USP50: variants seen among roughly 807,000 people sequenced by gnomAD.
The protein encoded by USP50 is ubiquitin specific peptidase 50.
A neutral mutation model predicts 39.2 loss-of-function variants in USP50; 37 were observed. The ratio of observed to expected loss-of-function variants is 0.94; its 90% CI spans 0.73 to 1.24. The LOEUF (loss-of-function observed/expected upper bound fraction) is 1.24, where lower values mean the gene tolerates loss of function less well. Among genes scored for constraint, USP50 ranks in the 50% most tolerant of loss-of-function variants. The pLI is 0.00. For synonymous variants in USP50, 139 were observed against 144.5 expected (o/e 0.96, Z 0.27); for missense variants, 374 against 398.2 (o/e 0.94, Z 0.52).
chr15:50,522,331 G>T (rs2052857107), intron 6 of USP50, among the ~76,000 whole-genome samples: 1 of 152,180 alleles, frequency 6.6e-6, no homozygotes, highest in Non-Finnish European at 1.5e-5. Context: ...AAGCTGAGGT[G>T]GGAGGATCAG....
At chr15:50,537,076 T>C (rs918246417) in intron 5 of USP50, among the ~76,000 whole-genome samples, 2 of 151,960 alleles carry the variant, frequency 1.3e-5, no homozygotes, top group African/African-American at 4.8e-5. Flanking sequence ...CAATGTGGTA[T>C]TGGTGAAAAA....
intron 6 of USP50, among the ~76,000 whole-genome samples, chr15:50,523,313 G>A (rs2141364967): frequency 6.6e-6 from 1 of 151,146 alleles, no homozygotes; most frequent in South Asian, 2.1e-4. Flanking sequence ...GGAGTAGCAG[G>A]TGTGCACCAC....
At chr15:50,540,293 C>T (rs2053017927) in intron 4 of USP50, among the ~76,000 whole-genome samples, 1 of 152,114 alleles carries the variant, frequency 6.6e-6, no homozygotes, top group Non-Finnish European at 1.5e-5. Context: ...CACTAGATTC[C>T]ATTCTCTCTT....
intron 6 of USP50, chr15:50,509,679 A>G (rs1429799627): frequency 6.6e-6 from 1 of 151,684 alleles, no homozygotes; most frequent in Non-Finnish European, 1.5e-5. Flanking sequence ...TAAAATAAAA[A>G]AGAGACAAGT....
At chr15:50,505,086 G>C (rs191735511) in intron 6 of USP50, 2 of 152,254 alleles carry the variant, frequency 1.3e-5, no homozygotes, top group East Asian at 3.9e-4. Flanking sequence ...AATTGAATGA[G>C]AATATTCAGC....
At position 50,519,013 on chromosome 15, in the gene USP50, G is replaced by A. The variant is rs186862222; in HGVS notation, c.936+10784C>T. ...TTAAAAAGTGGGCAAAGGGCCAGGC[G>A]TGGTGGCTCACACCTGTAATCCCAG... On this transcript the variant is annotated intron_variant, in intron 6 of 6. Coordinates refer to ENST00000532404, the MANE Select transcript of USP50 (RefSeq NM_203494.5). 2.8e-3 allele frequency among the ~76,000 whole-genome samples: 433 copies of A among 152,260 alleles called. 3 individuals are homozygous for A. Among genetic ancestry groups the A allele is most frequent in the African/African-American group, 9.6e-3 (397 of 41,556 alleles).
In USP50 at chr15:50,538,846, A is replaced by G; in HGVS notation, c.666T>C (p.Cys222=). ...PSKYECSLRD[C]LQCFFQQDAL... ...CGTCTTGTTGAAAAAAACATTGGAG[A>G]CAGTCCTGTTAAGGAAAAAAAGGAT... The change falls in exon 5 of 7, where the codon TGT becomes TGC. Residue 222 remains cysteine (C), a synonymous_variant. Coordinates refer to ENST00000532404, the MANE Select transcript of USP50 (RefSeq NM_203494.5). The G allele has an allele frequency of 6.2e-7, 1 of 1,606,458 alleles. No homozygotes were observed. The highest frequency in any genetic ancestry group is 8.5e-7 in the Non-Finnish European group (1 of 1,177,146).
chr15:50,509,894 T>G (rs2052715588), intron 6 of USP50: 1 of 152,110 alleles, frequency 6.6e-6, no homozygotes, highest in South Asian at 2.1e-4. Flanking sequence ...GGGCCAGGAA[T>G]AATCGAAATA....
intron 6 of USP50, among the ~76,000 whole-genome samples, chr15:50,515,085 G>A (rs1218381429): frequency 6.7e-6 from 1 of 150,038 alleles, no homozygotes; most frequent in Non-Finnish European, 1.5e-5. Flanking sequence ...GCCTGAGTCA[G>A]TATTTTAAAA....
At chr15:50,503,746 A>C (rs1323705540) in intron 6 of USP50, 27 of 152,210 alleles carry the variant, frequency 1.8e-4, no homozygotes, top group Admixed American at 1.7e-3. Context: ...TGCCAGAAGG[A>C]AACAGAATTT....
intron 3 of USP50, 93 bp from the exon 4 acceptor site, chr15:50,541,357 C>A (rs929537836): frequency 6.2e-5 from 67 of 1,074,500 alleles, no homozygotes; most frequent in Admixed American, 1.4e-4. Flanking sequence ...ACAAAAAAAA[C>A]AAAAAATTAG....
At chr15:50,522,276 T>C (rs561744280) in intron 6 of USP50, among the ~76,000 whole-genome samples, 77 of 151,604 alleles carry the variant, frequency 5.1e-4, no homozygotes, top group Non-Finnish European at 9.0e-4. Context: ...GATACAAAAA[T>C]TAGCCAGGCA....
intron 1 of USP50, among the ~76,000 whole-genome samples, chr15:50,495,495 T>C (rs1239580369): frequency 5.0e-5 from 7 of 139,152 alleles, no homozygotes; most frequent in East Asian, 2.3e-4. Context: ...GAGGGGGGGG[T>C]CTCACTATGT....
At chr15:50,506,141 G>C (rs1234414596) in intron 6 of USP50, 1 of 152,140 alleles carries the variant, frequency 6.6e-6, no homozygotes, top group Non-Finnish European at 1.5e-5. Context: ...AAGTTGTAGA[G>C]GGAAAATAAA....
At chr15:50,533,493 TA>T (rs2052957847) in intron 5 of USP50, among the ~76,000 whole-genome samples, 1 of 151,798 alleles carries the variant, frequency 6.6e-6, no homozygotes, top group Non-Finnish European at 1.5e-5. Context: ...AACACACCTA[TA>T]GAGGAGCAAA....
chr15:50,522,637 T>C (rs1486777772), intron 6 of USP50, among the ~76,000 whole-genome samples: 1 of 152,036 alleles, frequency 6.6e-6, no homozygotes, highest in Non-Finnish European at 1.5e-5. Flanking sequence ...AACAAAATAG[T>C]AGCAAATCAA....
At position 50,508,857 on chromosome 15, in the gene USP50, A is replaced by G. The variant is rs186767168; in HGVS notation, c.937-8020T>C. 7.0e-3 allele frequency: 1,055 copies of G among 151,614 alleles called. 3 individuals carry two copies. Among genetic ancestry groups the G allele is most frequent in the Admixed American group, 0.014 (210 of 15,216 alleles). The allele number at this position is 151,614 out of a possible 1,614,324, so 9.4% of individuals were successfully genotyped here. ...TATAAAAAAAAAAAGAGTACAGGCC[A>G]GGCGCGGTGGCTCACGCCTGTAATC... On this transcript the variant is annotated intron_variant, in intron 6 of 6. Coordinates refer to ENST00000532404, the MANE Select transcript of USP50 (RefSeq NM_203494.5).
chr15:50,504,017 C>A (rs551890936), intron 6 of USP50: 16 of 152,152 alleles, frequency 1.1e-4, no homozygotes, highest in African/African-American at 3.6e-4. Context: ...ATGAGAAATA[C>A]AACATAGTTG....
At chr15:50,531,384 T>TA (rs1478101713) in intron 5 of USP50, among the ~76,000 whole-genome samples, 1 of 151,954 alleles carries the variant, frequency 6.6e-6, no homozygotes, top group African/African-American at 2.4e-5. Context: ...CACACAGCAA[T>TA]AAAAAAGGCA....
Sources: allele counts gnomAD v4.1 joint callset (sites outside exome capture counted in the v4.1 genomes callset), GRCh38; gene constraint gnomAD v4.1.1; transcripts MANE v1.5; gene names NCBI Gene and HGNC (gene_info 2026-07-23, HGNC 2026-07-21).